The following RALYL variants were observed in gnomAD, a reference collection of about 807,000 sequenced individuals.
The protein encoded by RALYL is RNA-binding Raly-like protein.
In RALYL, 29 loss-of-function variants were observed where a neutral mutation model predicts 35.1. That is an observed-to-expected ratio of 0.83 (90% CI 0.61 to 1.13). The LOEUF is 1.13. Among genes scored for constraint, RALYL ranks in the 50% most tolerant of loss-of-function variants. The probability of loss-of-function intolerance (pLI) is 0.00; values close to 1 mark genes in which losing one functional copy is unlikely to be tolerated. For synonymous variants in RALYL, 120 were observed against 127.6 expected (o/e 0.94, Z 0.40); for missense variants, 359 against 360.4 (o/e 1.00, Z 0.03).
At chr8:84,817,635 G>A (rs1586521519) in intron 4 of RALYL, among the ~76,000 whole-genome samples, 2 of 151,956 alleles carry the variant, frequency 1.3e-5, no homozygotes, top group East Asian at 3.9e-4. Flanking sequence ...AGTCACTGCA[G>A]CCTCAACCTC....
chr8:84,275,620 T>G (rs1835219901), intron 1 of RALYL, among the ~76,000 whole-genome samples: 1 of 152,078 alleles, frequency 6.6e-6, no homozygotes, highest in Non-Finnish European at 1.5e-5. Flanking sequence ...CTGCAATAGA[T>G]CCATTGAATT....
chr8:84,490,231 A>G (rs1564022769), intron 1 of RALYL, among the ~76,000 whole-genome samples: 1 of 151,884 alleles, frequency 6.6e-6, no homozygotes, highest in Non-Finnish European at 1.5e-5. Flanking sequence ...CACCCTGCCC[A>G]TTAAAAAATT....
intron 2 of RALYL, among the ~76,000 whole-genome samples, chr8:84,651,710 GA>G (rs1281429752): frequency 6.6e-6 from 1 of 151,940 alleles, no homozygotes; most frequent in African/African-American, 2.4e-5. Context: ...CGTGTTATAT[GA>G]AAAAAACTTA....
intron 4 of RALYL, among the ~76,000 whole-genome samples, chr8:84,841,176 T>G (rs1292852184): frequency 6.6e-6 from 1 of 151,994 alleles, no homozygotes; most frequent in Non-Finnish European, 1.5e-5. Context: ...GACTGGCAAA[T>G]TGGATAAAGA....
At chr8:84,884,661 C>T (rs1450756347) in intron 7 of RALYL, among the ~76,000 whole-genome samples, 1 of 151,830 alleles carries the variant, frequency 6.6e-6, no homozygotes, top group Non-Finnish European at 1.5e-5. Context: ...AATTGAATTC[C>T]TAATATATGT....
At chr8:84,270,538 C>A (rs1002542762) in intron 1 of RALYL, among the ~76,000 whole-genome samples, 10 of 148,830 alleles carry the variant, frequency 6.7e-5, no homozygotes, top group African/African-American at 2.0e-4. Context: ...TTCGATTAAC[C>A]AGTGACATGA....
intron 4 of RALYL, among the ~76,000 whole-genome samples, chr8:84,808,823 T>A (rs1415471100): frequency 6.6e-6 from 1 of 152,178 alleles, no homozygotes; most frequent in Non-Finnish European, 1.5e-5. Context: ...TGTTGGTGTG[T>A]AGCAGAACTA....
At chr8:84,568,169 G>A (rs1224876237) in intron 2 of RALYL, among the ~76,000 whole-genome samples, 1 of 2,888 alleles carries the variant, frequency 3.5e-4, no homozygotes, top group African/African-American at 8.5e-4. Context: ...ATTTACATTA[G>A]GTATATCTCC....
intron 1 of RALYL, among the ~76,000 whole-genome samples, chr8:84,384,818 A>G (rs1052589284): frequency 6.6e-6 from 1 of 151,834 alleles, no homozygotes; most frequent in African/African-American, 2.4e-5. Context: ...CATGCTCATT[A>G]TGTAGTGGAG....
intron 1 of RALYL, among the ~76,000 whole-genome samples, chr8:84,426,741 C>A (rs909583174): frequency 1.3e-5 from 2 of 152,074 alleles, no homozygotes; most frequent in Non-Finnish European, 2.9e-5. Context: ...AAATGCAAAT[C>A]AAAACCACTG....
chr8:84,678,109 A>G (rs970772128), intron 2 of RALYL, among the ~76,000 whole-genome samples: 1 of 152,160 alleles, frequency 6.6e-6, no homozygotes, highest in Non-Finnish European at 1.5e-5. Flanking sequence ...TAAGTCATAC[A>G]AAAGCACTTT....
At chr8:84,437,541 T>C (rs547153765) in intron 1 of RALYL, among the ~76,000 whole-genome samples, 5 of 152,252 alleles carry the variant, frequency 3.3e-5, no homozygotes, top group East Asian at 1.9e-4. Context: ...TTTTTAATAG[T>C]AGCCATTCTG....
At chr8:84,503,076 T>C (rs1024591354) in intron 1 of RALYL, among the ~76,000 whole-genome samples, 4 of 152,142 alleles carry the variant, frequency 2.6e-5, no homozygotes, top group African/African-American at 9.7e-5. Context: ...CTGATAAGTA[T>C]TAAAAATTCC....
chr8:84,794,005 A>T (rs139821970), intron 3 of RALYL, among the ~76,000 whole-genome samples: 3 of 152,322 alleles, frequency 2.0e-5, no homozygotes, highest in African/African-American at 7.2e-5. Context: ...ATGTTTTATT[A>T]AGAGAAAGGA....
chr8:84,206,990 A>G (rs1480889818), intron 1 of RALYL, among the ~76,000 whole-genome samples: 1 of 152,152 alleles, frequency 6.6e-6, no homozygotes, highest in Non-Finnish European at 1.5e-5. Context: ...ACCTATTAAG[A>G]TAACTATAGC....
At chr8:84,778,352 C>T (rs1563582960) in intron 3 of RALYL, among the ~76,000 whole-genome samples, 1 of 152,182 alleles carries the variant, frequency 6.6e-6, no homozygotes, top group Non-Finnish European at 1.5e-5. Flanking sequence ...ATTTTCAACT[C>T]AGCCAAACAA....
At chr8:84,402,768 AGTT>A (rs1220521750) in intron 1 of RALYL, among the ~76,000 whole-genome samples, 9 of 152,056 alleles carry the variant, frequency 5.9e-5, no homozygotes, top group Admixed American at 2.6e-4. Flanking sequence ...CTTGAGTTAC[AGTT>A]GTTGTAGTTT....
chr8:84,799,631 T>A (rs1822733458), intron 3 of RALYL, among the ~76,000 whole-genome samples: 1 of 152,222 alleles, frequency 6.6e-6, no homozygotes, highest in Non-Finnish European at 1.5e-5. Flanking sequence ...GGCTGAGTTT[T>A]CCAAGTTAGG....
chr8:84,582,439 T>G (rs989500369), intron 2 of RALYL, among the ~76,000 whole-genome samples: 1 of 152,076 alleles, frequency 6.6e-6, no homozygotes, highest in Non-Finnish European at 1.5e-5. Context: ...CAGGCTGGTG[T>G]GTTAGCTGCA....
Sources: allele counts gnomAD v4.1 joint callset (sites outside exome capture counted in the v4.1 genomes callset), GRCh38; gene constraint gnomAD v4.1.1; transcripts MANE v1.5; gene names NCBI Gene and HGNC (gene_info 2026-07-23, HGNC 2026-07-21).